Variants in SPEF2 observed in about 807,000 individuals in gnomAD.
SPEF2 encodes the protein sperm flagella and cilia-associated protein 2.
Under a neutral mutation model 224.6 loss-of-function variants are expected in SPEF2, and 187 were observed. The observed-to-expected ratio is 0.83, with a 90% CI of 0.74 to 0.94. The LOEUF (loss-of-function observed/expected upper bound fraction) is 0.94, where lower values mean the gene tolerates loss of function less well. SPEF2 is among the 40% of genes least tolerant of loss of function. The pLI, the probability that SPEF2 is intolerant of heterozygous loss-of-function variation, is 0.00. For synonymous variants in SPEF2, 715 were observed against 707.3 expected, an observed-to-expected ratio of 1.01 and a Z score of -0.17; for missense variants, 2,170 against 2,135.6, an observed-to-expected ratio of 1.02 and a Z score of -0.32.
At chr5:35,716,717 T>A (rs1742651660) in intron 20 of SPEF2, among the ~76,000 whole-genome samples, 1 of 152,176 alleles carries the variant, frequency 6.6e-6, no homozygotes. Flanking sequence ...TTGGACTTCC[T>A]TCATGTGAAA....
chr5:35,645,713 A>C (rs562502820), intron 4 of SPEF2, among the ~76,000 whole-genome samples: 1 of 152,320 alleles, frequency 6.6e-6, no homozygotes, highest in East Asian at 1.9e-4. Context: ...AATGTTGAGA[A>C]AAAGGAAATA....
chr5:35,792,253 T>G, intron 30 of SPEF2, 87 bp from the exon 31 acceptor site: 1 of 941,320 alleles, frequency 1.1e-6, no homozygotes, highest in Non-Finnish European at 1.6e-6. Context: ...AAGAGAGTTT[T>G]AAAATACTCA....
intron 3 of SPEF2, chr5:35,643,709 A>G (rs971209994): frequency 2.9e-5 from 10 of 343,018 alleles, no homozygotes; most frequent in African/African-American, 2.1e-4. Flanking sequence ...GGTAATATTA[A>G]TAATGGTTGA....
chr5:35,775,432 AG>A (rs1753476100), intron 28 of SPEF2, among the ~76,000 whole-genome samples: 3 of 152,002 alleles, frequency 2.0e-5, no homozygotes, highest in Non-Finnish European at 4.4e-5. Flanking sequence ...TGGCAGAGAG[AG>A]GGGTAAGAGG....
At chr5:35,768,200 G>T (rs971452221) in intron 26 of SPEF2, among the ~76,000 whole-genome samples, 1 of 152,050 alleles carries the variant, frequency 6.6e-6, no homozygotes, top group Non-Finnish European at 1.5e-5. Flanking sequence ...CTGCTGCTAT[G>T]CTGATGATGC....
intron 29 of SPEF2, among the ~76,000 whole-genome samples, chr5:35,777,939 A>T (rs546535738): frequency 6.6e-6 from 1 of 152,132 alleles, no homozygotes; most frequent in Non-Finnish European, 1.5e-5. Flanking sequence ...CACTCACGTA[A>T]ACTCAGCAGC....
At chr5:35,681,684 A>C (rs1160800578) in intron 10 of SPEF2, among the ~76,000 whole-genome samples, 1 of 152,256 alleles carries the variant, frequency 6.6e-6, no homozygotes, top group Non-Finnish European at 1.5e-5. Flanking sequence ...AGTGATGATA[A>C]GGATTTCATA....
chr5:35,764,353 G>T (rs1043947735), intron 26 of SPEF2, among the ~76,000 whole-genome samples: 4 of 151,966 alleles, frequency 2.6e-5, no homozygotes, highest in African/African-American at 9.6e-5. Context: ...AGTTCTCCTA[G>T]CAGGTAAATA....
At position 35,774,358 on chromosome 5, in the gene SPEF2, G is replaced by A. The variant is rs186134508; in HGVS notation, c.4078+337G>A. On this transcript the variant is annotated intron_variant, in intron 28 of 36. Coordinates refer to ENST00000356031, the MANE Select transcript of SPEF2 (RefSeq NM_024867.4). ...AAACAAAAGAAAATGTTGAAAGTTCGTATGATTTTACAGGTTTAGATAGGG... is the reference window on the plus strand; with the variant it reads ...AAACAAAAGAAAATGTTGAAAGTTCATATGATTTTACAGGTTTAGATAGGG... Among the ~76,000 whole-genome samples, 141 of 152,252 alleles carry A rather than the reference G, an allele frequency of 9.3e-4. 1 individual carries two copies. The highest frequency in any genetic ancestry group is 1.5e-3 in the Non-Finnish European group (99 of 68,028).
At position 35,679,852 on chromosome 5, in the gene SPEF2, C is replaced by T. The variant is rs73080301; in HGVS notation, c.1524+9625C>T. On this transcript the variant is annotated intron_variant, in intron 10 of 36. Coordinates refer to ENST00000356031, the MANE Select transcript of SPEF2 (RefSeq NM_024867.4). ...GCTCTAATCTATTGCTACCCATGTT[C>T]AAGTGTGACAGATCTCTTCCCAAAC... 9.7e-3 allele frequency among the ~76,000 whole-genome samples: 1,477 copies of T among 152,214 alleles called. 30 individuals carry two copies. The highest frequency in any genetic ancestry group is 0.034 in the African/African-American group (1,428 of 41,510).
chr5:35,626,209 T>C (rs1026540428), intron 1 of SPEF2, among the ~76,000 whole-genome samples: 2 of 152,222 alleles, frequency 1.3e-5, no homozygotes, highest in Admixed American at 6.5e-5. Context: ...TTCTCAAGAG[T>C]TGCTTCAGTG....
chr5:35,630,121 C>T (rs1744873620), intron 2 of SPEF2, among the ~76,000 whole-genome samples: 2 of 152,248 alleles, frequency 1.3e-5, no homozygotes, highest in African/African-American at 4.8e-5. Flanking sequence ...GCTCCCATGG[C>T]CTTGGACAGC....
At chr5:35,771,419 C>T (rs1218050683) in intron 26 of SPEF2, among the ~76,000 whole-genome samples, 190 bp from the exon 27 acceptor site, 1 of 152,128 alleles carries the variant, frequency 6.6e-6, no homozygotes, top group East Asian at 1.9e-4. Flanking sequence ...AGGGAAGCCG[C>T]ATCTTGGGAC....
At chr5:35,676,097 T>C (rs1751962867) in intron 10 of SPEF2, 5 of 443,332 alleles carry the variant, frequency 1.1e-5, no homozygotes, top group South Asian at 8.1e-5. Flanking sequence ...GGCAGCCAGA[T>C]AGAAGTGGAA....
At chr5:35,730,155 A>G (rs1745398499) in intron 21 of SPEF2, among the ~76,000 whole-genome samples, 1 of 152,180 alleles carries the variant, frequency 6.6e-6, no homozygotes, top group Non-Finnish European at 1.5e-5. Flanking sequence ...TCAACAGACA[A>G]ATGATGGGAG....
chr5:35,716,361 T>C (rs1742577070), intron 20 of SPEF2, among the ~76,000 whole-genome samples: 1 of 152,128 alleles, frequency 6.6e-6, no homozygotes, highest in African/African-American at 2.4e-5. Context: ...CATCCCTTTT[T>C]TCTCATCAGG....
chr5:35,734,684 G>A (rs999599957), intron 21 of SPEF2, among the ~76,000 whole-genome samples: 1 of 141,890 alleles, frequency 7.0e-6, no homozygotes, highest in African/African-American at 2.6e-5. Flanking sequence ...ACAACACTTA[G>A]TATGTGAATT....
At chr5:35,695,372 T>TA (rs1755155555) in intron 13 of SPEF2, among the ~76,000 whole-genome samples, 1 of 152,010 alleles carries the variant, frequency 6.6e-6, no homozygotes, top group Admixed American at 6.6e-5. Flanking sequence ...AATAAAAGTG[T>TA]AAAAAAATAA....
rs183181791 is a variant in SPEF2, at chr5:35,763,539, G to C, written c.3638G>C (p.Arg1213Pro). 6.7e-5 allele frequency: 106 copies of C among 1,579,710 alleles called. No individual in the cohort carries two copies. The African/African-American group carries it at 1.1e-3, about 16-fold the overall frequency. ...TCTCAAAGAATTCCTCTAGTTCCTC[G>C]AATATCCATTTCTCTGGAAACAGTT... ...ESQLRIPLVP[R>P]ISISLETVTP... Residue 1213 changes from arginine (R) to proline (P), a missense_variant, in exon 26 of 37, where the codon CGA (arginine) becomes CCA (proline). Transcript: ENST00000356031.
Sources: gnomAD v4.1 joint callset for allele counts (sites outside exome capture counted in the v4.1 genomes callset) on GRCh38, gnomAD v4.1.1 for gene constraint, MANE v1.5 for transcripts, NCBI Gene and HGNC (gene_info 2026-07-23, HGNC 2026-07-21) for gene names.